ADCY9: variants seen among roughly 807,000 people sequenced by gnomAD.
The protein encoded by ADCY9 is adenylate cyclase 9.
Under a neutral mutation model 101.5 loss-of-function variants are expected in ADCY9, and 50 were observed. The ratio of observed to expected loss-of-function variants is 0.49; its 90% CI spans 0.39 to 0.62. The LOEUF (loss-of-function observed/expected upper bound fraction) is 0.62. Among genes scored for constraint, ADCY9 ranks in the 20% least tolerant of loss-of-function variants. The probability of loss-of-function intolerance (pLI) is 0.00; values close to 1 mark genes in which losing one functional copy is unlikely to be tolerated. For missense variants in ADCY9, 1,662 were observed against 1,800.4 expected (o/e 0.92, Z 1.39); for synonymous variants, 905 against 769.3 (o/e 1.18, Z -2.92).
intron 5 of ADCY9, among the ~76,000 whole-genome samples, chr16:3,991,193 T>C (rs2141701110): frequency 6.6e-6 from 1 of 152,328 alleles, no homozygotes; most frequent in East Asian, 1.9e-4. Flanking sequence ...ATGAAATATG[T>C]ACAAGATCTT....
At chr16:4,068,903 A>G (rs1436273587) in intron 2 of ADCY9, among the ~76,000 whole-genome samples, 3 of 152,070 alleles carry the variant, frequency 2.0e-5, no homozygotes, top group Non-Finnish European at 2.9e-5. Context: ...GGTTACAACT[A>G]TTCCACCATA....
intron 2 of ADCY9, among the ~76,000 whole-genome samples, chr16:4,056,164 A>G (rs920590519): frequency 1.6e-4 from 25 of 152,208 alleles, no homozygotes; most frequent in African/African-American, 5.5e-4. Context: ...AATCTCTTCA[A>G]CATCAGCTCT....
intron 3 of ADCY9, among the ~76,000 whole-genome samples, chr16:3,993,802 C>T (rs985817061): frequency 6.6e-6 from 1 of 152,184 alleles, no homozygotes; most frequent in Non-Finnish European, 1.5e-5. Flanking sequence ...TATTACTCAG[C>T]CACGAAAAAG....
chr16:4,077,010 G>C (rs530421386), intron 2 of ADCY9, among the ~76,000 whole-genome samples: 12 of 151,256 alleles, frequency 7.9e-5, no homozygotes, highest in African/African-American at 2.4e-4. Flanking sequence ...CTCAGAGGTG[G>C]ACGTTGCAGT....
intron 3 of ADCY9, among the ~76,000 whole-genome samples, chr16:3,995,937 C>A (rs1369631889): frequency 6.6e-6 from 1 of 152,128 alleles, no homozygotes; most frequent in African/African-American, 2.4e-5. Flanking sequence ...CAAATAATGG[C>A]ATCTAGATAA....
At chr16:4,057,528 C>T (rs2056748035) in intron 2 of ADCY9, among the ~76,000 whole-genome samples, 1 of 152,164 alleles carries the variant, frequency 6.6e-6, no homozygotes, top group African/African-American at 2.4e-5. Context: ...TCTTTCCCAA[C>T]ACCAGCCTCT....
chr16:4,058,649 G>A (rs1422869121), intron 2 of ADCY9, among the ~76,000 whole-genome samples: 1 of 152,124 alleles, frequency 6.6e-6, no homozygotes, highest in Admixed American at 6.6e-5. Flanking sequence ...GAGAACCTGG[G>A]AAGGTATGTG....
In ADCY9 at chr16:3,992,410, C is replaced by G. The variant is rs758609872; in HGVS notation, c.1990-47G>C. On this transcript the variant is annotated intron_variant, in intron 4 of 10. Transcript: ENST00000294016. This position sits in a 1 kb window ranked among gnomAD's most constrained non-coding sequence, Gnocchi z 4.2. ...GCAGACACGGGAAGTGAAGTGGCACCGGGCACTGGGCACACACGCCTGTCC... is the reference window on the plus strand; with the variant it reads ...GCAGACACGGGAAGTGAAGTGGCACGGGGCACTGGGCACACACGCCTGTCC... 2 of 1,561,190 alleles carry G rather than the reference C, an allele frequency of 1.3e-6. No homozygotes were observed. Among genetic ancestry groups the G allele is most frequent in the Non-Finnish European group, 1.8e-6 (2 of 1,138,542 alleles).
rs1286209425 is a variant in ADCY9, at chr16:3,965,621, A to G, written c.*154T>C. The G allele has an allele frequency of 4.7e-5, 32 of 687,842 alleles. No homozygotes were observed. Among genetic ancestry groups the G allele is most frequent in the Non-Finnish European group, 2.4e-6 (1 of 414,974 alleles). The allele number at this position is 687,842 out of a possible 1,614,324, so 42.6% of individuals were successfully genotyped here. A position where few individuals can be genotyped will look rare whatever the true frequency, so the allele number is the denominator to read the frequency against. On this transcript the variant is annotated 3_prime_UTR_variant, in exon 11 of 11. Coordinates refer to ENST00000294016, the MANE Select transcript of ADCY9 (RefSeq NM_001116.4). ...AAGAATGGATGAAAATGAACCCTGA[A>G]TAACTGTGATCCACACAGAAGTTAG...
intron 9 of ADCY9, 97 bp from the exon 10 acceptor site, chr16:3,974,807 TAGACGTGG>T: frequency 1.0e-6 from 1 of 1,003,400 alleles, no homozygotes; most frequent in Non-Finnish European, 1.6e-6. Flanking sequence ...GTTCCTTTTT[TAGACGTGG>T]TTGTACATCC....
intron 2 of ADCY9, among the ~76,000 whole-genome samples, chr16:4,019,370 T>C (rs1417214686): frequency 6.6e-6 from 1 of 152,226 alleles, no homozygotes; most frequent in Non-Finnish European, 1.5e-5. Flanking sequence ...TGTCCCAGGC[T>C]GGGCGATTTG....
At chr16:4,027,710 C>T (rs940770009) in intron 2 of ADCY9, among the ~76,000 whole-genome samples, 2 of 152,106 alleles carry the variant, frequency 1.3e-5, no homozygotes, top group African/African-American at 4.8e-5. Flanking sequence ...AACCCCATCT[C>T]TACTAGTAAA....
At chr16:4,111,376 C>T (rs1365260208) in intron 2 of ADCY9, among the ~76,000 whole-genome samples, 1 of 152,080 alleles carries the variant, frequency 6.6e-6, no homozygotes, top group Non-Finnish European at 1.5e-5. Flanking sequence ...CTTCTCTTCC[C>T]GGGTTCAAAC....
At chr16:4,022,815 A>C (rs2056487081) in intron 2 of ADCY9, among the ~76,000 whole-genome samples, 1 of 152,186 alleles carries the variant, frequency 6.6e-6, no homozygotes, top group South Asian at 2.1e-4. Flanking sequence ...TTAATAAATA[A>C]AAATTAAACG....
At chr16:4,064,054 A>G (rs2056787198) in intron 2 of ADCY9, among the ~76,000 whole-genome samples, 1 of 152,212 alleles carries the variant, frequency 6.6e-6, no homozygotes, top group Non-Finnish European at 1.5e-5. Flanking sequence ...GAGTCTACAA[A>G]AAACTACTAG....
intron 2 of ADCY9, among the ~76,000 whole-genome samples, chr16:4,090,979 A>T (rs112039187): frequency 6.6e-6 from 1 of 152,084 alleles, no homozygotes; most frequent in Non-Finnish European, 1.5e-5. Flanking sequence ...CTATGACCAA[A>T]TTGACCTAAG....
intron 2 of ADCY9, among the ~76,000 whole-genome samples, chr16:4,009,909 C>T (rs550428979): frequency 2.2e-4 from 33 of 152,204 alleles, no homozygotes; most frequent in Non-Finnish European, 4.6e-4. Context: ...GGTCTCCTTC[C>T]CATGACTCCT....
At chr16:4,040,728 A>G (rs1013116240) in intron 2 of ADCY9, among the ~76,000 whole-genome samples, 1 of 152,206 alleles carries the variant, frequency 6.6e-6, no homozygotes, top group African/African-American at 2.4e-5. Context: ...CAGTGCTGGT[A>G]TTATAGGAGT....
intron 10 of ADCY9, among the ~76,000 whole-genome samples, chr16:3,970,340 T>C (rs574429443): frequency 6.8e-6 from 1 of 146,904 alleles, no homozygotes; most frequent in East Asian, 2.0e-4. Flanking sequence ...CAAAACTCAA[T>C]TCTTCTTTTT....
Sources: allele counts gnomAD v4.1 joint callset (sites outside exome capture counted in the v4.1 genomes callset), GRCh38; gene constraint gnomAD v4.1.1; non-coding constraint Gnocchi (gnomAD v3.1); transcripts MANE v1.5; gene names NCBI Gene and HGNC (gene_info 2026-07-23, HGNC 2026-07-21).